MMP24: variants seen among roughly 807,000 people sequenced by gnomAD.
The protein encoded by MMP24 is matrix metallopeptidase 24.
In MMP24, 25 loss-of-function variants were observed where a neutral mutation model predicts 62.8. That is an observed-to-expected ratio of 0.40 (90% CI 0.29 to 0.56). The LOEUF is 0.56. Ranked by LOEUF, MMP24 falls within the 20% of genes least tolerant of loss-of-function variation. The pLI, the probability that MMP24 is intolerant of heterozygous loss-of-function variation, is 0.50. For synonymous variants in MMP24, 319 were observed against 350.5 expected, an observed-to-expected ratio of 0.91 and a Z score of 1.00; for missense variants, 634 against 853.6, an observed-to-expected ratio of 0.74 and a Z score of 3.21.
chr20:35,227,746 T>C (rs993815611), intron 1 of MMP24, among the ~76,000 whole-genome samples: 1 of 152,188 alleles, frequency 6.6e-6, no homozygotes, highest in Non-Finnish European at 1.5e-5. Flanking sequence ...TGCTATGTTT[T>C]ATACGAATTA....
rs997391105 is a variant in MMP24 at position 35,275,547 on chromosome 20, C to T, written c.*938C>T. ...GTTTGTGACCGTCCTCCACTCCCCT[C>T]TATTGTCACTGTCCCCAGCTTTGCT... On this transcript the variant is annotated 3_prime_UTR_variant, in exon 9 of 9. Coordinates refer to ENST00000246186, the MANE Select transcript of MMP24 (RefSeq NM_006690.4). The T allele has an allele frequency of 6.5e-6, 1 of 152,906 alleles. No homozygotes were observed. The highest frequency in any genetic ancestry group is 6.5e-5 in the Admixed American group (1 of 15,290). 9.5% of individuals were successfully genotyped at this position (152,906 alleles called of 1,614,324 possible).
intron 6 of MMP24, among the ~76,000 whole-genome samples, chr20:35,268,756 G>C (rs954256955): frequency 3.4e-5 from 5 of 145,896 alleles, no homozygotes; most frequent in Non-Finnish European, 7.6e-5. Flanking sequence ...GCTGGGCGCA[G>C]TGGCTCACGC....
At chr20:35,248,304 C>CT (rs1468606825) in intron 2 of MMP24, among the ~76,000 whole-genome samples, 1 of 146,826 alleles carries the variant, frequency 6.8e-6, no homozygotes, top group African/African-American at 2.7e-5. Flanking sequence ...GATTCCCCCC[C>CT]CCTTTTTTTT....
intron 4 of MMP24, 197 bp from the exon 5 acceptor site, chr20:35,263,594 A>ACT (rs897220026): frequency 4.7e-6 from 2 of 427,108 alleles, no homozygotes; most frequent in African/African-American, 2.1e-5. Context: ...CTCACTTGTC[A>ACT]CTCTCTCTCT....
intron 1 of MMP24, among the ~76,000 whole-genome samples, chr20:35,232,384 A>T (rs1255171035): frequency 6.6e-6 from 1 of 152,226 alleles, no homozygotes; most frequent in African/African-American, 2.4e-5. Context: ...TAAATATTTT[A>T]AAATTAATTT....
chr20:35,244,088 T>C (rs941268036), intron 1 of MMP24, among the ~76,000 whole-genome samples: 1 of 152,226 alleles, frequency 6.6e-6, no homozygotes, highest in Non-Finnish European at 1.5e-5. Context: ...TTATTTATAG[T>C]TTCTGGCTGG....
rs1316569409 is a variant in MMP24 at position 35,244,261 on chromosome 20, C to A, written c.247-2579C>A. ...TGGCTTACTTGGCATTCAGGATAAT[C>A]CTCTGAGGATGGGAAACAGGGTTAT... On this transcript the variant is annotated intron_variant, in intron 1 of 8. Coordinates refer to ENST00000246186, the MANE Select transcript of MMP24 (RefSeq NM_006690.4). Among the ~76,000 whole-genome samples the A allele has an allele frequency of 3.3e-5, 5 of 152,230 alleles. No homozygotes were observed. In the East Asian group the frequency reaches 9.6e-4, roughly 29 times the overall value.
chr20:35,267,095 G>T (rs943677674), intron 5 of MMP24, 110 bp from the exon 6 acceptor site: 162 of 856,370 alleles, frequency 1.9e-4, no homozygotes, highest in Middle Eastern at 1.1e-3. Flanking sequence ...GAGGGAACAG[G>T]AGGCTGAACT....
intron 2 of MMP24, among the ~76,000 whole-genome samples, chr20:35,251,074 G>A (rs925866684): frequency 1.3e-5 from 2 of 150,882 alleles, no homozygotes; most frequent in Non-Finnish European, 2.9e-5. Context: ...AATAAGTGCT[G>A]CAGAGAATTA....
Position 35,274,169 on chromosome 20 carries a change from C to T in MMP24, c.1601-103C>T. 8.4e-7 allele frequency: 1 copy of T among 1,193,474 alleles called. No homozygotes were observed. The highest frequency in any genetic ancestry group is 1.2e-6 in the Non-Finnish European group (1 of 845,486). 73.9% of individuals were successfully genotyped at this position (1,193,474 alleles called of 1,614,324 possible). On this transcript the variant is annotated intron_variant, in intron 8 of 8. Transcript: ENST00000246186. This position sits in a 1 kb window ranked among gnomAD's most constrained non-coding sequence, Gnocchi z 5.1. ...CACCCCAAACCTCCAGGTGTGCCCA[C>T]CTTGCCTCCCTTGCCACAGTGCCTG...
chr20:35,234,381 C>T (rs181604678), intron 1 of MMP24, among the ~76,000 whole-genome samples: 13 of 152,308 alleles, frequency 8.5e-5, no homozygotes, highest in East Asian at 7.7e-4. Flanking sequence ...TCTCTCCCAC[C>T]GGCTGTAACT....
At position 35,274,175 on chromosome 20, in the gene MMP24, C is replaced by G. The variant is rs763449203; in HGVS notation, c.1601-97C>G. The G allele has an allele frequency of 4.3e-4, 542 of 1,263,832 alleles. 1 individual carries two copies. The highest frequency in any genetic ancestry group is 8.0e-4 in the Admixed American group (39 of 48,732). The allele number at this position is 1,263,832 out of a possible 1,614,324, so 78.3% of individuals were successfully genotyped here. On this transcript the variant is annotated intron_variant, in intron 8 of 8. Transcript: ENST00000246186. This position sits in a 1 kb window ranked among gnomAD's most constrained non-coding sequence, Gnocchi z 5.1. ...AAACCTCCAGGTGTGCCCACCTTGCCTCCCTTGCCACAGTGCCTGTGCCCT... is the reference window on the plus strand; with the variant it reads ...AAACCTCCAGGTGTGCCCACCTTGCGTCCCTTGCCACAGTGCCTGTGCCCT...
At chr20:35,239,381 G>A (rs1302031765) in intron 1 of MMP24, among the ~76,000 whole-genome samples, 1 of 151,960 alleles carries the variant, frequency 6.6e-6, no homozygotes, top group East Asian at 1.9e-4. Context: ...GTCTTGCTAT[G>A]TTGGCCAGGC....
chr20:35,251,112 ACTT>A (rs1052955174), intron 2 of MMP24, among the ~76,000 whole-genome samples: 2 of 141,350 alleles, frequency 1.4e-5, no homozygotes, highest in Non-Finnish European at 3.0e-5. Flanking sequence ...TTGTTAAGCC[ACTT>A]CTTTTTTTTT....
In MMP24 at chr20:35,254,853, C is replaced by T. The variant is rs571378612; in HGVS notation, c.817+99C>T. 1,012 of 1,347,890 alleles carry T rather than the reference C, an allele frequency of 7.5e-4. 11 individuals are homozygous for T. In the South Asian group the frequency reaches 0.01, roughly 14 times the overall value. The allele number at this position is 1,347,890 out of a possible 1,614,324, so 83.5% of individuals were successfully genotyped here. On this transcript the variant is annotated intron_variant, in intron 4 of 8. Transcript: ENST00000246186. ...ATGAGTTTCCTGCTTTCTAGAGCCT[C>T]TTGTCCAAGAACTAAGACCGTAAGA...
intron 2 of MMP24, among the ~76,000 whole-genome samples, chr20:35,250,246 C>T (rs956689909): frequency 6.6e-6 from 1 of 152,148 alleles, no homozygotes; most frequent in Non-Finnish European, 1.5e-5. Context: ...AGCTACTGCA[C>T]CTGGCCAAGA....
chr20:35,231,946 G>C (rs2060439901), intron 1 of MMP24, among the ~76,000 whole-genome samples: 2 of 152,192 alleles, frequency 1.3e-5, no homozygotes, highest in South Asian at 4.1e-4. Context: ...CAGCTGCTGA[G>C]GCAGGAGAAT....
At chr20:35,234,089 CA>C (rs1180983516) in intron 1 of MMP24, among the ~76,000 whole-genome samples, 2 of 152,200 alleles carry the variant, frequency 1.3e-5, no homozygotes, top group Non-Finnish European at 2.9e-5. Flanking sequence ...CCCCATTGGT[CA>C]CTAGACTCCA....
chr20:35,259,105 C>T (rs1304955379), intron 4 of MMP24, among the ~76,000 whole-genome samples: 3 of 152,208 alleles, frequency 2.0e-5, no homozygotes, highest in East Asian at 1.9e-4. Flanking sequence ...GGCTTGAACC[C>T]GGGAGGCGGA....
Sources: gnomAD v4.1 joint callset for allele counts (sites outside exome capture counted in the v4.1 genomes callset) on GRCh38, gnomAD v4.1.1 for gene constraint, Gnocchi (gnomAD v3.1) non-coding constraint, MANE v1.5 for transcripts, NCBI Gene and HGNC (gene_info 2026-07-23, HGNC 2026-07-21) for gene names.